Variants in CTNNA2 observed in about 807,000 individuals in gnomAD.
The protein encoded by CTNNA2 is catenin alpha 2.
CTNNA2 carries 42 observed loss-of-function variants against 101.0 expected under a neutral mutation model. The observed-to-expected ratio is 0.42, with a 90% confidence interval of 0.32 to 0.54. CTNNA2 has a LOEUF of 0.54. CTNNA2 is among the 20% of genes least tolerant of loss of function. CTNNA2 has a pLI of 0.14. For synonymous variants in CTNNA2, 450 were observed against 456.4 expected (o/e 0.99, Z 0.18); for missense variants, 871 against 1,223.1 (o/e 0.71, Z 4.29).
At chr2:80,552,121 A>G (rs1352915457) in intron 11 of CTNNA2, among the ~76,000 whole-genome samples, 3 of 152,222 alleles carry the variant, frequency 2.0e-5, no homozygotes, top group Admixed American at 6.5e-5. Context: ...TTAAGTGAAC[A>G]TGGTTCCTGA....
At chr2:79,940,783 C>A (rs1688102109) in intron 7 of CTNNA2, among the ~76,000 whole-genome samples, 1 of 152,156 alleles carries the variant, frequency 6.6e-6, no homozygotes, top group African/African-American at 2.4e-5. Flanking sequence ...GCAAAATAAT[C>A]TAATACAGAG....
At chr2:80,259,285 A>G (rs1447809247) in intron 7 of CTNNA2, among the ~76,000 whole-genome samples, 1 of 152,128 alleles carries the variant, frequency 6.6e-6, no homozygotes, top group Non-Finnish European at 1.5e-5. Context: ...TGTTCACTGA[A>G]TGTCAGGGTT....
chr2:79,196,192 A>G (rs1158467247), intron 1 of CTNNA2, among the ~76,000 whole-genome samples: 1 of 152,174 alleles, frequency 6.6e-6, no homozygotes, highest in Non-Finnish European at 1.5e-5. Flanking sequence ...TCGGCCTCCC[A>G]AAGTGCTGGG....
At chr2:79,702,960 C>T (rs977121722) in intron 2 of CTNNA2, among the ~76,000 whole-genome samples, 3 of 152,096 alleles carry the variant, frequency 2.0e-5, no homozygotes, top group African/African-American at 7.2e-5. Context: ...CAGGAGAGGC[C>T]AGTGGGTATT....
rs547097332 is a variant in CTNNA2, at chr2:79,277,123, A to G, written c.-405-35586A>G. Among the ~76,000 whole-genome samples the G allele has an allele frequency of 7.7e-4, 117 of 152,190 alleles. 1 individual carries two copies. Among genetic ancestry groups the G allele is most frequent in the African/African-American group, 2.3e-3 (95 of 41,556 alleles). ...TAAAGAGCAGGATCTTTGTTCTCCT[A>G]AATCCTCAGTTCCTTGGATGATACT... On this transcript the variant is annotated intron_variant, in intron 2 of 21. Transcript: ENST00000466387.
intron 2 of CTNNA2, among the ~76,000 whole-genome samples, chr2:79,276,879 G>T (rs1448278015): frequency 6.6e-6 from 1 of 152,040 alleles, no homozygotes; most frequent in Admixed American, 6.6e-5. Flanking sequence ...TCTTCACTGT[G>T]GTCATCACAA....
At chr2:79,800,382 A>G (rs1375936594) in intron 3 of CTNNA2, among the ~76,000 whole-genome samples, 1 of 152,140 alleles carries the variant, frequency 6.6e-6, no homozygotes, top group East Asian at 1.9e-4. Context: ...ACCTAGATTC[A>G]ATTCTGATTC....
intron 5 of CTNNA2, among the ~76,000 whole-genome samples, chr2:79,505,965 G>A (rs988095236): frequency 6.6e-6 from 1 of 152,178 alleles, no homozygotes. Context: ...ATGTGCCAGA[G>A]CTTTTGAATA....
chr2:80,552,087 G>A (rs979108906), intron 11 of CTNNA2, among the ~76,000 whole-genome samples: 3 of 152,074 alleles, frequency 2.0e-5, no homozygotes, highest in Non-Finnish European at 4.4e-5. Flanking sequence ...GGCGGAACAC[G>A]CCCGACATTT....
intron 7 of CTNNA2, among the ~76,000 whole-genome samples, chr2:80,295,769 C>G (rs974911685): frequency 2.0e-5 from 3 of 152,206 alleles, no homozygotes; most frequent in Admixed American, 6.5e-5. Flanking sequence ...CTTCTAGACC[C>G]TATTTCTTCC....
At chr2:79,971,528 A>G (rs1319332503) in intron 7 of CTNNA2, among the ~76,000 whole-genome samples, 1 of 152,104 alleles carries the variant, frequency 6.6e-6, no homozygotes, top group East Asian at 1.9e-4. Context: ...GACCTCATTT[A>G]CTGCTTTCAA....
chr2:79,915,026 C>T (rs1356308411), intron 7 of CTNNA2, among the ~76,000 whole-genome samples: 1 of 151,916 alleles, frequency 6.6e-6, no homozygotes, highest in African/African-American at 2.4e-5. Flanking sequence ...AAGGTTATTT[C>T]CAGCCCGGTT....
At chr2:79,310,078 A>G (rs1304564825) in intron 2 of CTNNA2, among the ~76,000 whole-genome samples, 2 of 152,122 alleles carry the variant, frequency 1.3e-5, no homozygotes, top group Non-Finnish European at 2.9e-5. Flanking sequence ...TCATCATTTT[A>G]TCTAATGTAT....
chr2:79,663,889 T>C (rs180804090), intron 2 of CTNNA2, among the ~76,000 whole-genome samples: 1 of 152,348 alleles, frequency 6.6e-6, no homozygotes, highest in Non-Finnish European at 1.5e-5. Context: ...CCATTCTCTT[T>C]CAAAAAATGC....
intron 9 of CTNNA2, among the ~76,000 whole-genome samples, chr2:80,534,675 TGGA>T (rs1690839603): frequency 6.6e-6 from 1 of 152,118 alleles, no homozygotes; most frequent in Non-Finnish European, 1.5e-5. Flanking sequence ...GATATGTTGG[TGGA>T]GAAGTCAAGA....
At chr2:79,892,717 A>C in intron 6 of CTNNA2, among the ~76,000 whole-genome samples, 1 of 152,188 alleles carries the variant, frequency 6.6e-6, no homozygotes, top group East Asian at 1.9e-4. Flanking sequence ...ATGATGCTGC[A>C]TTTCTTTTCT....
At chr2:80,355,798 C>T (rs1156263833) in intron 7 of CTNNA2, among the ~76,000 whole-genome samples, 1 of 152,094 alleles carries the variant, frequency 6.6e-6, no homozygotes, top group Non-Finnish European at 1.5e-5. Flanking sequence ...GTCTTGTTTT[C>T]CATGAACATT....
chr2:79,396,252 G>A (rs1041096788), intron 4 of CTNNA2, among the ~76,000 whole-genome samples: 3 of 151,804 alleles, frequency 2.0e-5, no homozygotes, highest in East Asian at 1.9e-4. Flanking sequence ...AACTTCCCCT[G>A]GGTTCAAGTG....
intron 7 of CTNNA2, among the ~76,000 whole-genome samples, chr2:80,165,803 A>G (rs1704642660): frequency 6.6e-6 from 1 of 152,162 alleles, no homozygotes; most frequent in Non-Finnish European, 1.5e-5. Context: ...AAGTTTTCTT[A>G]TTATGTGGAT....
Sources: allele counts gnomAD v4.1 joint callset (sites outside exome capture counted in the v4.1 genomes callset), GRCh38; gene constraint gnomAD v4.1.1; transcripts MANE v1.5; gene names NCBI Gene and HGNC (gene_info 2026-07-23, HGNC 2026-07-21).